Variants in RAB11FIP3 observed in about 807,000 individuals in gnomAD.
RAB11FIP3 encodes the protein RAB11 family interacting protein 3, also known as rab11 family-interacting protein 3.
Under a neutral mutation model 77.8 loss-of-function variants are expected in RAB11FIP3, and 17 were observed. The ratio of observed to expected loss-of-function variants is 0.22; its 90% CI spans 0.15 to 0.33. The LOEUF is 0.33. RAB11FIP3 is among the 10% of genes least tolerant of loss of function. The pLI is 1.00. For synonymous variants in RAB11FIP3, 437 were observed against 448.2 expected (o/e 0.98, Z 0.31); for missense variants, 1,005 against 1,011.2 (o/e 0.99, Z 0.08).
chr16:461,835 T>C lies in RAB11FIP3; in HGVS notation c.808+338T>C, dbSNP rs770783420. On this transcript the variant is annotated intron_variant, in intron 2 of 13. Transcript: ENST00000262305. This position sits in a 1 kb window ranked among gnomAD's most constrained non-coding sequence, Gnocchi z 4.5. The stretch of plus-strand genomic sequence containing the variant: ...CCAAGTGGGTGTTCATCACCCGTGC[T>C]CTGCAGGCAGCACTTCGTCGCACTC... Among the ~76,000 whole-genome samples, 4 of 152,186 alleles carry C rather than the reference T, an allele frequency of 2.6e-5. No homozygotes were observed. The highest frequency in any genetic ancestry group is 4.4e-5 in the Non-Finnish European group (3 of 68,030).
intron 2 of RAB11FIP3, among the ~76,000 whole-genome samples, chr16:466,763 C>G (rs1326573212): frequency 2.0e-5 from 3 of 152,218 alleles, no homozygotes; most frequent in Non-Finnish European, 4.4e-5. Context: ...CCCCTTCTCT[C>G]TTTGCTGTCA....
At chr16:501,452 C>T (rs1411425409) in intron 6 of RAB11FIP3, among the ~76,000 whole-genome samples, 47 of 98,016 alleles carry the variant, frequency 4.8e-4, no homozygotes, top group Non-Finnish European at 7.9e-4. Context: ...CAAGGAAGCT[C>T]GGAGAGGATC....
In RAB11FIP3 at chr16:505,429, G is replaced by C. The variant is rs2031819374; in HGVS notation, c.1396-95G>C. ...CTAGGTGGATCTGATTCTGTGCTGA[G>C]AAAATCCCCAGGCGGCCTCCCAGGT... On this transcript the variant is annotated intron_variant, in intron 7 of 13. Transcript: ENST00000262305. The surrounding 1 kb of genome is among the most constrained non-coding windows in gnomAD (Gnocchi z 4.0). The C allele has an allele frequency of 1.1e-6, 1 of 941,614 alleles. No homozygotes were observed. The highest frequency in any genetic ancestry group is 1.6e-6 in the Non-Finnish European group (1 of 631,722). 58.3% of individuals were successfully genotyped at this position (941,614 alleles called of 1,614,324 possible).
At chr16:492,374 C>T (rs2030415162) in intron 5 of RAB11FIP3, among the ~76,000 whole-genome samples, 1 of 144,820 alleles carries the variant, frequency 6.9e-6, no homozygotes, top group African/African-American at 2.5e-5. Context: ...CCCGGGAGAC[C>T]CGAGGCCGCC....
intron 4 of RAB11FIP3, among the ~76,000 whole-genome samples, chr16:486,442 G>A (rs1227570848): frequency 6.6e-6 from 1 of 152,208 alleles, no homozygotes; most frequent in African/African-American, 2.4e-5. Context: ...GCAGTGAGCC[G>A]AGATGGCACC....
intron 10 of RAB11FIP3, 144 bp from the exon 11 acceptor site, chr16:519,610 G>T (rs938783239): frequency 2.7e-6 from 3 of 1,106,178 alleles, no homozygotes; most frequent in Middle Eastern, 3.1e-4. Context: ...GGAAGGCTCA[G>T]ACCCAGCCCT....
In RAB11FIP3 at chr16:427,782, A is replaced by G. The variant is rs534884379; in HGVS notation, c.714+1062A>G. On this transcript the variant is annotated intron_variant, in intron 1 of 13. Coordinates refer to ENST00000262305, the MANE Select transcript of RAB11FIP3 (RefSeq NM_014700.4). ...AAAGAGGTAAAATTGGCACACTGCT[A>G]TTTAGGGTGTCAGTCATAACATTAA... is the stretch of plus-strand genomic sequence containing the variant. Among the ~76,000 whole-genome samples the G allele has an allele frequency of 2.2e-3, 338 of 152,288 alleles. 3 individuals are homozygous for G. Among genetic ancestry groups the G allele is most frequent in the Non-Finnish European group, 3.1e-3 (209 of 68,030 alleles).
At chr16:486,823 C>T (rs1481058621) in intron 4 of RAB11FIP3, among the ~76,000 whole-genome samples, 4 of 152,136 alleles carry the variant, frequency 2.6e-5, no homozygotes, top group African/African-American at 4.8e-5. Context: ...CATGGTGGCC[C>T]GGGGAGGCGG....
chr16:469,526 A>G (rs556244398), intron 2 of RAB11FIP3, among the ~76,000 whole-genome samples: 11 of 151,636 alleles, frequency 7.3e-5, no homozygotes, highest in African/African-American at 2.2e-4. Flanking sequence ...TCCCGAGTAG[A>G]TGGGACTACA....
At chr16:431,785 C>G (rs1020518714) in intron 1 of RAB11FIP3, among the ~76,000 whole-genome samples, 13 of 149,486 alleles carry the variant, frequency 8.7e-5, no homozygotes, top group African/African-American at 3.2e-4. Flanking sequence ...GAGATGGAGT[C>G]TCGCTCTGTC....
chr16:450,343 T>A (rs186267969), intron 1 of RAB11FIP3, among the ~76,000 whole-genome samples: 1 of 152,010 alleles, frequency 6.6e-6, no homozygotes, highest in Non-Finnish European at 1.5e-5. Context: ...CTCTGGCTAA[T>A]TTTTTGTATT....
At chr16:519,971 T>C (rs2032602028) in intron 11 of RAB11FIP3, 80 bp downstream of exon 11, 2 of 1,524,298 alleles carry the variant, frequency 1.3e-6, no homozygotes, top group African/African-American at 2.8e-5. Flanking sequence ...AGACGCTAGC[T>C]CTTGGCTGTG....
intron 2 of RAB11FIP3, among the ~76,000 whole-genome samples, chr16:464,846 C>G (rs2055674723): frequency 1.3e-5 from 2 of 152,208 alleles, no homozygotes; most frequent in African/African-American, 2.4e-5. Flanking sequence ...GTTTGTGCCA[C>G]TGCACTCCAT....
In RAB11FIP3 at chr16:426,086, CG is replaced by C; in HGVS notation, c.85del (p.Ala29ArgfsTer211). 2 of 1,003,304 alleles carry C rather than the reference CG, an allele frequency of 2.0e-6. No individual in the cohort carries two copies. The highest frequency in any genetic ancestry group is 2.4e-6 in the Non-Finnish European group (2 of 843,372). The allele number at this position is 1,003,304 out of a possible 1,614,324, so 62.2% of individuals were successfully genotyped here. A position where few individuals can be genotyped will look rare whatever the true frequency, so the allele number is the denominator to read the frequency against. ...CCGGAGCCGGGCGGGCCGGACGGGC[CG>C]GGGGCGGCACAACTGGCTCCGGGCC... ...PDPEPGGPDGPGAAQLAPGPA... is the reference protein window; with the variant it reads ...PDPEPGGPDGXGAAQLAPGPA... On this transcript the variant is annotated frameshift_variant, in exon 1 of 14. Coordinates refer to ENST00000262305, the MANE Select transcript of RAB11FIP3 (RefSeq NM_014700.4). LOFTEE classifies it high-confidence loss of function. The surrounding 1 kb of genome is among the most constrained non-coding windows in gnomAD (Gnocchi z 5.0).
intron 6 of RAB11FIP3, among the ~76,000 whole-genome samples, chr16:499,258 C>T (rs757111857): frequency 1.3e-5 from 2 of 152,148 alleles, no homozygotes; most frequent in Non-Finnish European, 2.9e-5. Context: ...AGGAACGTGA[C>T]GTGCATCCCC....
chr16:470,926 A>G (rs1442353200), intron 2 of RAB11FIP3, among the ~76,000 whole-genome samples: 1 of 151,302 alleles, frequency 6.6e-6, no homozygotes. Flanking sequence ...TCTGATTGGT[A>G]CCTAACACTT....
chr16:432,111 G>A (rs937384904), intron 1 of RAB11FIP3, among the ~76,000 whole-genome samples: 2 of 152,034 alleles, frequency 1.3e-5, no homozygotes, highest in South Asian at 2.1e-4. Flanking sequence ...GGCCTGGCGC[G>A]GTAACTCACA....
At chr16:437,935 G>C (rs1482043600) in intron 1 of RAB11FIP3, among the ~76,000 whole-genome samples, 1 of 152,084 alleles carries the variant, frequency 6.6e-6, no homozygotes, top group Admixed American at 6.6e-5. Flanking sequence ...TTAGTCTCCC[G>C]AGTAGCTGGG....
At chr16:467,570 GTCAGGGAGGAGGTGCTGGGGCC>G (rs1567373802) in intron 2 of RAB11FIP3, among the ~76,000 whole-genome samples, 2 of 126,002 alleles carry the variant, frequency 1.6e-5, no homozygotes, top group Admixed American at 8.0e-5. Flanking sequence ...GTGCTGGGAC[GTCAGGGAGGAGGTGCTGGGGCC>G]TCAGGGAGGA....
Sources: allele counts gnomAD v4.1 joint callset (sites outside exome capture counted in the v4.1 genomes callset), GRCh38; gene constraint gnomAD v4.1.1; non-coding constraint Gnocchi (gnomAD v3.1); transcripts MANE v1.5; gene names NCBI Gene and HGNC (gene_info 2026-07-23, HGNC 2026-07-21).